Variants in SLC12A3 observed in about 807,000 individuals in gnomAD.
SLC12A3 encodes the protein solute carrier family 12 member 3.
Under a neutral mutation model 121.0 loss-of-function variants are expected in SLC12A3, and 104 were observed. That is an observed-to-expected ratio of 0.86 (90% CI 0.73 to 1.01). SLC12A3 has a LOEUF of 1.01. Ranked by LOEUF, SLC12A3 falls within the 50% of genes least tolerant of loss-of-function variation. The pLI is 0.00. For missense variants in SLC12A3, 1,328 were observed against 1,356.3 expected, an observed-to-expected ratio of 0.98 and a Z score of 0.33; for synonymous variants, 536 against 533.4, an observed-to-expected ratio of 1.00 and a Z score of -0.07.
Position 56,868,305 on chromosome 16 carries a change from C to A in SLC12A3, c.438C>A (p.Cys146Ter), listed in dbSNP as rs751409326. 1.9e-6 allele frequency: 3 copies of A among 1,613,952 alleles called. No individual in the cohort carries two copies. The highest frequency in any genetic ancestry group is 3.3e-5 in the Admixed American group (2 of 59,998). The change falls in exon 3 of 26, where the codon TGC (cysteine) becomes TGA (stop). Residue 146 changes from cysteine to a stop codon, truncating the protein, a stop_gained. Coordinates refer to ENST00000563236, the MANE Select transcript of SLC12A3 (RefSeq NM_001126108.2). LOFTEE classifies it high-confidence loss of function. The stretch of plus-strand genomic sequence containing the variant: ...CCCCCCTGTCCTCCCAGATTCGTTG[C>A]ATGCTCAACATTTGGGGCGTGATCC... ...FGWVKGVMIRCMLNIWGVILY... is the reference protein window; with the variant it reads ...FGWVKGVMIR
intron 22 of SLC12A3, among the ~76,000 whole-genome samples, chr16:56,896,733 C>G (rs1675193472): frequency 6.6e-6 from 1 of 152,192 alleles, no homozygotes; most frequent in African/African-American, 2.4e-5. Flanking sequence ...GGTGAAAGAA[C>G]AGATGCTATC....
chr16:56,907,538 A>G (rs1487492415), intron 25 of SLC12A3, among the ~76,000 whole-genome samples: 1 of 152,224 alleles, frequency 6.6e-6, no homozygotes, highest in African/African-American at 2.4e-5. Context: ...TGCTATAGCA[A>G]AATACCATAG....
chr16:56,885,455 C>G, intron 15 of SLC12A3, 91 bp downstream of exon 15: 1 of 827,400 alleles, frequency 1.2e-6, no homozygotes, highest in Non-Finnish European at 2.0e-6. Flanking sequence ...TCACCTGACC[C>G]AGGCAGACCC....
intron 19 of SLC12A3, among the ~76,000 whole-genome samples, chr16:56,891,278 G>T (rs2055384630): frequency 2.0e-5 from 3 of 150,798 alleles, no homozygotes; most frequent in African/African-American, 7.3e-5. Context: ...AAGCTGAGAT[G>T]GGAGGATCGC....
intron 1 of SLC12A3, 87 bp from the exon 2 acceptor site, chr16:56,866,983 G>T: frequency 6.4e-7 from 1 of 1,563,536 alleles, no homozygotes; most frequent in South Asian, 1.1e-5. Context: ...TCGGTATGGG[G>T]CGCAGTGGTG....
At chr16:56,901,464 T>C (rs370638355) in intron 23 of SLC12A3, among the ~76,000 whole-genome samples, 29 of 151,888 alleles carry the variant, frequency 1.9e-4, no homozygotes, top group African/African-American at 6.8e-4. Flanking sequence ...CTCAGTCCTC[T>C]GAGTAGCTGG....
rs1317413284 is a variant in SLC12A3 at position 56,879,123 on chromosome 16, C to A, written c.1231C>A (p.Pro411Thr). 1.2e-6 allele frequency: 2 copies of A among 1,613,668 alleles called. No homozygotes were observed. Among genetic ancestry groups the A allele is most frequent in the African/African-American group, 2.7e-5 (2 of 74,922 alleles). ...TGGGGTCCTGAATGACACAGTGACC[C>A]CTGGCTGGGGTGCCTGCGAGGGGCT... ...ASGVLNDTVT[P>T]GWGACEGLAC... Residue 411 changes from proline (P) to threonine (T), a missense_variant, in exon 10 of 26, where the codon CCT becomes ACT. Coordinates refer to ENST00000563236, the MANE Select transcript of SLC12A3 (RefSeq NM_001126108.2).
At position 56,915,768 on chromosome 16, in the gene SLC12A3, G is replaced by C. The variant is rs1363752897; in HGVS notation, c.*2363G>C. Reference sequence around the variant, plus strand: ...TAGTATGTTTTTAACAATAGTAATAGCTTTGTAAAAAAATAAAAAGCTTTA... The same window carrying C: ...TAGTATGTTTTTAACAATAGTAATACCTTTGTAAAAAAATAAAAAGCTTTA... On this transcript the variant is annotated 3_prime_UTR_variant, in exon 26 of 26. Coordinates refer to ENST00000563236, the MANE Select transcript of SLC12A3 (RefSeq NM_001126108.2). 7 of 152,064 alleles carry C rather than the reference G, an allele frequency of 4.6e-5. No homozygotes were observed. Among genetic ancestry groups the C allele is most frequent in the African/African-American group, 1.7e-4 (7 of 41,404 alleles). The allele number at this position is 152,064 out of a possible 1,614,324, so 9.4% of individuals were successfully genotyped here.
rs2144694797 is a variant in SLC12A3, at chr16:56,872,385, C to T, written c.887C>T (p.Ser296Phe). The change falls in exon 7 of 26, where the codon TCC becomes TTC. Residue 296 changes from serine (S) to phenylalanine (F), a missense_variant. By Grantham distance (155) the Ser-to-Phe change is radical (BLOSUM62 -2). Coordinates refer to ENST00000563236, the MANE Select transcript of SLC12A3 (RefSeq NM_001126108.2). ...QVLFFLVIMV[S>F]FANYLVGTLI... Reference sequence around the variant, plus strand: ...CTGTTCTTCCTTGTCATCATGGTCTCCTTTGCCAACTATTTAGTGGGGACG... The same window carrying T: ...CTGTTCTTCCTTGTCATCATGGTCTTCTTTGCCAACTATTTAGTGGGGACG... 6.2e-7 allele frequency: 1 copy of T among 1,614,030 alleles called. No homozygotes were observed. Among genetic ancestry groups the T allele is most frequent in the Middle Eastern group, 1.6e-4 (1 of 6,062 alleles).
In SLC12A3 at chr16:56,890,258, C is replaced by A; in HGVS notation, c.2286-16C>A. On this transcript the variant is annotated splice_polypyrimidine_tract_variant and intron_variant, in intron 18 of 25. Transcript: ENST00000563236. ...GAGCTGGGGGAGAAGCTGGACCTCA[C>A]CTCCTCTCTTTCCAGTGATGCCTTT... The A allele has an allele frequency of 6.2e-7, 1 of 1,608,388 alleles. No homozygotes were observed. The highest frequency in any genetic ancestry group is 1.1e-5 in the South Asian group (1 of 90,948).
At chr16:56,878,517 G>A (rs1447974945) in intron 9 of SLC12A3, among the ~76,000 whole-genome samples, 2 of 152,074 alleles carry the variant, frequency 1.3e-5, no homozygotes, top group African/African-American at 2.4e-5. Flanking sequence ...CTTCCCATGT[G>A]CCCCGCCCTT....
chr16:56,897,519 C>G (rs1386426699), intron 22 of SLC12A3, among the ~76,000 whole-genome samples: 1 of 152,208 alleles, frequency 6.6e-6, no homozygotes, highest in East Asian at 1.9e-4. Flanking sequence ...TCCTCACCCC[C>G]ACTAAGAACT....
intron 16 of SLC12A3, 64 bp from the exon 17 acceptor site, chr16:56,886,889 G>A: frequency 6.2e-7 from 1 of 1,608,690 alleles, no homozygotes; most frequent in East Asian, 2.2e-5. Flanking sequence ...GGCAGGAGAG[G>A]GGTTGAATCT....
At chr16:56,866,968 G>A in intron 1 of SLC12A3, 102 bp from the exon 2 acceptor site, 2 of 1,500,724 alleles carry the variant, frequency 1.3e-6, no homozygotes, top group East Asian at 2.3e-5. Flanking sequence ...GGGGTCGGGG[G>A]GTGCTCGGTA....
At chr16:56,879,016 A>G in intron 9 of SLC12A3, 57 bp from the exon 10 acceptor site, 1 of 1,560,894 alleles carries the variant, frequency 6.4e-7, no homozygotes, top group Middle Eastern at 2.3e-4. Context: ...TGGGGCTGGA[A>G]GAGGACAGAG....
Position 56,867,070 on chromosome 16 carries a change from C to G in SLC12A3, c.283C>G (p.Gln95Glu), listed in dbSNP as rs767044017. ...TLADLHSFLK[Q>E]EGRHLHALAF... ...TGACTTGTGGTCTCTGGGCTGCCAGCAGGAAGGCAGACACCTGCATGCCCT... is the reference window on the plus strand; with the variant it reads ...TGACTTGTGGTCTCTGGGCTGCCAGGAGGAAGGCAGACACCTGCATGCCCT... Residue 95 changes from glutamine to glutamate, a missense_variant and splice_region_variant, in exon 2 of 26, where the codon CAG (glutamine) becomes GAG (glutamate). Coordinates refer to ENST00000563236, the MANE Select transcript of SLC12A3 (RefSeq NM_001126108.2). 6.8e-6 allele frequency: 11 copies of G among 1,612,290 alleles called. No individual in the cohort carries two copies. Among genetic ancestry groups the G allele is most frequent in the Non-Finnish European group, 1.7e-6 (2 of 1,180,028 alleles).
chr16:56,899,779 G>A (rs34256484), intron 23 of SLC12A3, among the ~76,000 whole-genome samples, 163 bp downstream of exon 23: 311 of 152,344 alleles, frequency 2.0e-3, no homozygotes, highest in African/African-American at 6.6e-3. Flanking sequence ...GGCTGTGGCC[G>A]GGGCCTGTCC....
At chr16:56,872,823 T>G in intron 8 of SLC12A3, 37 bp downstream of exon 8, 1 of 1,612,850 alleles carries the variant, frequency 6.2e-7, no homozygotes. Flanking sequence ...GTCCTGGCAC[T>G]GCACAGGGGC....
rs2055106711 is a variant in SLC12A3 at position 56,872,239 on chromosome 16, ATGAG to A, written c.853-104_853-101del. 4 of 745,270 alleles carry A rather than the reference ATGAG, an allele frequency of 5.4e-6. No homozygotes were observed. The South Asian group carries it at 5.8e-5, about 11-fold the overall frequency. 46.2% of individuals were successfully genotyped at this position (745,270 alleles called of 1,614,324 possible). A position where few individuals can be genotyped will look rare whatever the true frequency, so the allele number is the denominator to read the frequency against. On this transcript the variant is annotated intron_variant, in intron 6 of 25. Coordinates refer to ENST00000563236, the MANE Select transcript of SLC12A3 (RefSeq NM_001126108.2). ...CTGCTGCATAATGGGTGTTGAATGA[ATGAG>A]TGAGTGAATAATGGAGAAACGGGCC...
Sources: allele counts gnomAD v4.1 joint callset (sites outside exome capture counted in the v4.1 genomes callset), GRCh38; gene constraint gnomAD v4.1.1; transcripts MANE v1.5; gene names NCBI Gene and HGNC (gene_info 2026-07-23, HGNC 2026-07-21).